The following ACAP1 variants were observed in gnomAD, a reference collection of about 807,000 sequenced individuals.
ACAP1 encodes ArfGAP with coiled-coil, ankyrin repeat and PH domains 1.
Under a neutral mutation model 98.8 loss-of-function variants are expected in ACAP1, and 45 were observed. That is an observed-to-expected ratio of 0.46 (90% confidence interval 0.36 to 0.58). The LOEUF (loss-of-function observed/expected upper bound fraction) is 0.58, where lower values mean the gene tolerates loss of function less well. Ranked by LOEUF, ACAP1 falls within the 20% of genes least tolerant of loss-of-function variation. The pLI is 0.00. For missense variants in ACAP1, 735 were observed against 971.4 expected, an observed-to-expected ratio of 0.76 and a Z score of 3.24; for synonymous variants, 362 against 375.3, an observed-to-expected ratio of 0.96 and a Z score of 0.41.
chr17:7,349,897 C>A, intron 18 of ACAP1, 48 bp from the exon 19 acceptor site: 1 of 1,459,584 alleles, frequency 6.9e-7, no homozygotes, highest in Non-Finnish European at 9.4e-7. Context: ...TTGAAATCCA[C>A]CACTAGGGAT....
At chr17:7,337,528 A>G (rs2073233075) in intron 2 of ACAP1, among the ~76,000 whole-genome samples, 159 bp downstream of exon 2, 1 of 152,266 alleles carries the variant, frequency 6.6e-6, no homozygotes, top group African/African-American at 2.4e-5. Context: ...GTGGTTCTGT[A>G]CCGACAAGAA....
Position 7,350,462 on chromosome 17 carries a change from G to A in ACAP1, c.2072+225G>A. On this transcript the variant is annotated intron_variant, in intron 20 of 21. Transcript: ENST00000158762. This position sits in a 1 kb window ranked among gnomAD's most constrained non-coding sequence, Gnocchi z 4.6. ...GGGAGGGCGGGCAGGGTGCAAGGATGCTTGGCCCACCCTGAGAGGCGTAAT... is the reference window on the plus strand; with the variant it reads ...GGGAGGGCGGGCAGGGTGCAAGGATACTTGGCCCACCCTGAGAGGCGTAAT... 3.5e-6 allele frequency: 2 copies of A among 579,486 alleles called. No individual in the cohort carries two copies. The highest frequency in any genetic ancestry group is 6.1e-6 in the Non-Finnish European group (2 of 325,398). 35.9% of individuals were successfully genotyped at this position (579,486 alleles called of 1,614,324 possible).
At chr17:7,349,271 GCT>G in intron 18 of ACAP1, 104 bp downstream of exon 18, 5 of 1,280,238 alleles carry the variant, frequency 3.9e-6, no homozygotes, top group Non-Finnish European at 5.4e-6. Flanking sequence ...GTTCCCTAGG[GCT>G]TCCACCCATA....
chr17:7,346,371 T>A lies in ACAP1; in HGVS notation c.907-20T>A. 24 of 1,614,054 alleles carry A rather than the reference T, an allele frequency of 1.5e-5. No individual in the cohort carries two copies. Among genetic ancestry groups the A allele is most frequent in the Non-Finnish European group, 2.0e-5 (24 of 1,179,924 alleles). On this transcript the variant is annotated intron_variant, in intron 11 of 21. Transcript: ENST00000158762. Reference sequence around the variant, plus strand: ...TGCCTGCAGCTGGACATCTGGCCCCTTATCACCTTATCCTGCCAGGACCCT... The same window carrying A: ...TGCCTGCAGCTGGACATCTGGCCCCATATCACCTTATCCTGCCAGGACCCT...
In ACAP1 at chr17:7,337,249, G is replaced by T. The variant is rs2073229476; in HGVS notation, c.54-63G>T. ...ACCCACCGCCCTGCGACTCCATCCC[G>T]CCTGATGAGGCAGACAGACCAGATG... On this transcript the variant is annotated intron_variant, in intron 1 of 21. Coordinates refer to ENST00000158762, the MANE Select transcript of ACAP1 (RefSeq NM_014716.4). 5 of 1,530,554 alleles carry T rather than the reference G, an allele frequency of 3.3e-6. No homozygotes were observed. In the Admixed American group the frequency reaches 8.5e-5, roughly 26 times the overall value. 94.8% of individuals were successfully genotyped at this position (1,530,554 alleles called of 1,614,324 possible).
rs112202776 is a variant in ACAP1 at position 7,341,378 on chromosome 17, A to G, written c.112-570A>G. ...TGCCTTAGCCTCCCAAGTAGCTGGG[A>G]TTACAGGCATGTGCCACCATGCCTG... On this transcript the variant is annotated intron_variant, in intron 2 of 21. Transcript: ENST00000158762. 2.0e-3 allele frequency among the ~76,000 whole-genome samples: 298 copies of G among 152,296 alleles called. 4 individuals carry two copies. The highest frequency in any genetic ancestry group is 6.8e-3 in the African/African-American group (281 of 41,550).
Position 7,344,674 on chromosome 17 carries a change from C to A in ACAP1, c.854+26C>A. ...GTGAGGAGAGGACACCCCCAATCAG[C>A]CCGCCCCACCCAATGATGTATTTTC... On this transcript the variant is annotated intron_variant, in intron 10 of 21. Transcript: ENST00000158762. The surrounding 1 kb of genome is among the most constrained non-coding windows in gnomAD (Gnocchi z 4.9). The A allele has an allele frequency of 1.3e-6, 2 of 1,490,622 alleles. No individual in the cohort carries two copies. Among genetic ancestry groups the A allele is most frequent in the Non-Finnish European group, 9.2e-7 (1 of 1,091,720 alleles). 92.3% of individuals were successfully genotyped at this position (1,490,622 alleles called of 1,614,324 possible).
At position 7,341,973 on chromosome 17, in the gene ACAP1, T is replaced by G; in HGVS notation, c.137T>G (p.Leu46Arg). ...EKLLKLGTGL[L>R]ESGRHYLAAS... ...CTCCTGAAACTGGGCACTGGTCTCC[T>G]GGAAAGTGGGCGCCATTACCTTGCT... Residue 46 changes from leucine (L) to arginine (R), a missense_variant, in exon 3 of 22, where the codon CTG (leucine) becomes CGG (arginine). By Grantham distance (102) the Leu-to-Arg change is moderately radical. Coordinates refer to ENST00000158762, the MANE Select transcript of ACAP1 (RefSeq NM_014716.4). The G allele has an allele frequency of 6.2e-7, 1 of 1,614,164 alleles. No homozygotes were observed. The highest frequency in any genetic ancestry group is 8.5e-7 in the Non-Finnish European group (1 of 1,180,026).
intron 10 of ACAP1, 61 bp from the exon 11 acceptor site, chr17:7,346,183 C>G: frequency 3.9e-6 from 6 of 1,523,472 alleles, no homozygotes; most frequent in Non-Finnish European, 5.5e-6. Context: ...AAAAGCACAG[C>G]CTCTCTTCCG....
Position 7,343,748 on chromosome 17 carries a change from T to C in ACAP1, c.571T>C (p.Phe191Leu), listed in dbSNP as rs759069816. Residue 191 changes from phenylalanine (F) to leucine (L), a missense_variant and splice_region_variant, in exon 7 of 22, where the codon TTT becomes CTT. This residue lies in a region of ACAP1 where 430 missense variants were observed against 531.8 expected (regional missense o/e 0.81). Transcript: ENST00000158762. This position sits in a 1 kb window ranked among gnomAD's most constrained non-coding sequence, Gnocchi z 4.9. ...EDKRKFDIME[F>L]VLRLVEAQAT... Reference sequence around the variant, plus strand: ...CAAGAGGAAGTTTGACATCATGGAGTTTGTGAGTTGTGGCGGGGGTGAGGG... The same window carrying C: ...CAAGAGGAAGTTTGACATCATGGAGCTTGTGAGTTGTGGCGGGGGTGAGGG... 6.2e-7 allele frequency: 1 copy of C among 1,613,634 alleles called. No homozygotes were observed. Among genetic ancestry groups the C allele is most frequent in the South Asian group, 1.1e-5 (1 of 91,050 alleles).
intron 2 of ACAP1, among the ~76,000 whole-genome samples, chr17:7,339,473 G>A (rs1049858504): frequency 3.3e-5 from 5 of 151,966 alleles, no homozygotes; most frequent in Non-Finnish European, 7.4e-5. Flanking sequence ...AGCCAGGCGT[G>A]GTGGCACGCA....
chr17:7,344,509 A>G lies in ACAP1; in HGVS notation c.745-30A>G, dbSNP rs759569442. 28 of 1,500,186 alleles carry G rather than the reference A, an allele frequency of 1.9e-5. No homozygotes were observed. Among genetic ancestry groups the G allele is most frequent in the Non-Finnish European group, 2.5e-5 (28 of 1,101,388 alleles). The allele number at this position is 1,500,186 out of a possible 1,614,324, so 92.9% of individuals were successfully genotyped here. Reference sequence around the variant, plus strand: ...TATGGCCTTGGTGTCTGCCCATCTCAGTTGCCCTTTGATCCTCTTGTGCCT... The same window carrying G: ...TATGGCCTTGGTGTCTGCCCATCTCGGTTGCCCTTTGATCCTCTTGTGCCT... On this transcript the variant is annotated intron_variant, in intron 9 of 21. Coordinates refer to ENST00000158762, the MANE Select transcript of ACAP1 (RefSeq NM_014716.4). This position sits in a 1 kb window ranked among gnomAD's most constrained non-coding sequence, Gnocchi z 4.9.
rs761403216 is a variant in ACAP1 at position 7,349,011 on chromosome 17, C to T, written c.1695C>T (p.Asp565=). ...LRSKPEPPSE[D]LGSLHPGALL... ...CCCGAACAGAGCCCCCCTCTGAGGA[C>T]CTGGGAAGCCTGCACCCTGGGGCCC... The change falls in exon 18 of 22, where the codon GAC becomes GAT. Residue 565 remains aspartate (D), a synonymous_variant. Transcript: ENST00000158762. 2 of 1,613,304 alleles carry T rather than the reference C, an allele frequency of 1.2e-6. No individual in the cohort carries two copies. Among genetic ancestry groups the T allele is most frequent in the Admixed American group, 1.7e-5 (1 of 59,984 alleles).
intron 2 of ACAP1, among the ~76,000 whole-genome samples, chr17:7,340,038 G>A (rs2073260520): frequency 6.6e-6 from 1 of 152,100 alleles, no homozygotes; most frequent in Non-Finnish European, 1.5e-5. Context: ...AGGTAGGAGG[G>A]TTGCTTGAGG....
chr17:7,337,104 C>T (rs34094337), intron 1 of ACAP1, among the ~76,000 whole-genome samples: 1 of 152,178 alleles, frequency 6.6e-6, no homozygotes, highest in African/African-American at 2.4e-5. Context: ...GCCACATCCA[C>T]CCTCCTTCTA....
intron 14 of ACAP1, 52 bp from the exon 15 acceptor site, chr17:7,347,870 C>A: frequency 6.6e-7 from 1 of 1,509,964 alleles, no homozygotes; most frequent in Non-Finnish European, 9.2e-7. Flanking sequence ...AGCAGCTCCC[C>A]AGGCCACTGC....
chr17:7,350,626 T>A lies in ACAP1; in HGVS notation c.2073-324T>A. 3.0e-6 allele frequency: 1 copy of A among 334,420 alleles called. No homozygotes were observed. The highest frequency in any genetic ancestry group is 5.5e-6 in the Non-Finnish European group (1 of 183,042). 20.7% of individuals were successfully genotyped at this position (334,420 alleles called of 1,614,324 possible). A position where few individuals can be genotyped will look rare whatever the true frequency, so the allele number is the denominator to read the frequency against. On this transcript the variant is annotated intron_variant, in intron 20 of 21. Transcript: ENST00000158762. This position sits in a 1 kb window ranked among gnomAD's most constrained non-coding sequence, Gnocchi z 4.6. ...TGAGGATAGTCTTTTTTTTTTTTTT[T>A]GAGACGGAGTCTCACTCTGTCGCCC...
rs2073392787 is a variant in ACAP1 at position 7,350,337 on chromosome 17, C to T, written c.2072+100C>T. The T allele has an allele frequency of 1.3e-5, 13 of 1,012,484 alleles. No individual in the cohort carries two copies. In the East Asian group the frequency reaches 2.9e-4, roughly 22 times the overall value. 62.7% of individuals were successfully genotyped at this position (1,012,484 alleles called of 1,614,324 possible). A position where few individuals can be genotyped will look rare whatever the true frequency, so the allele number is the denominator to read the frequency against. ...GCGGGGCTGACGCCGAAACAGAAGC[C>T]TGTGCTGTGGGGCCTCGGAAAGGGG... On this transcript the variant is annotated intron_variant, in intron 20 of 21. Transcript: ENST00000158762. The surrounding 1 kb of genome is among the most constrained non-coding windows in gnomAD (Gnocchi z 4.6).
intron 3 of ACAP1, 42 bp from the exon 4 acceptor site, chr17:7,342,233 C>T: frequency 6.2e-7 from 1 of 1,611,764 alleles, no homozygotes; most frequent in Non-Finnish European, 8.5e-7. Context: ...AGGGTGCTGC[C>T]ACCCCATGCC....
Sources: allele counts gnomAD v4.1 joint callset (sites outside exome capture counted in the v4.1 genomes callset), GRCh38; gene constraint gnomAD v4.1.1; regional missense constraint gnomAD v4.1.1; non-coding constraint Gnocchi (gnomAD v3.1); transcripts MANE v1.5; gene names NCBI Gene and HGNC (gene_info 2026-07-23, HGNC 2026-07-21).